The following KCMF1 variants were observed in gnomAD, a reference collection of about 807,000 sequenced individuals.
KCMF1 encodes the protein E3 ubiquitin-protein ligase KCMF1.
KCMF1 carries 3 observed loss-of-function variants against 41.1 expected under a neutral mutation model. The ratio of observed to expected loss-of-function variants is 0.07; its 90% CI spans 0.03 to 0.19. The LOEUF (loss-of-function observed/expected upper bound fraction) is 0.19. KCMF1 is among the 10% of genes least tolerant of loss of function. KCMF1 has a pLI of 1.00. For synonymous variants in KCMF1, 142 were observed against 164.5 expected (o/e 0.86, Z 1.04); for missense variants, 286 against 488.9 (o/e 0.58, Z 3.91).
chr2:85,000,027 TA>T (rs55703502), intron 1 of KCMF1, among the ~76,000 whole-genome samples: 19,205 of 147,638 alleles, frequency 0.13, 1,716 homozygotes, highest in East Asian at 0.35. Flanking sequence ...CAGGGGACAT[TA>T]AAAAAAAAAG....
intron 2 of KCMF1, among the ~76,000 whole-genome samples, chr2:85,033,909 G>A (rs1021761901): frequency 5.3e-5 from 8 of 151,960 alleles, no homozygotes; most frequent in African/African-American, 1.5e-4. Flanking sequence ...CAGGCCAGGC[G>A]TGGTGGCTCA....
intron 2 of KCMF1, among the ~76,000 whole-genome samples, chr2:85,029,645 T>C (rs1225822333): frequency 6.6e-6 from 1 of 151,388 alleles, no homozygotes. Flanking sequence ...TAGAAGACAT[T>C]GTAAGAAAAT....
At chr2:85,047,064 T>C (rs923810043) in intron 5 of KCMF1, among the ~76,000 whole-genome samples, 2 of 152,186 alleles carry the variant, frequency 1.3e-5, no homozygotes, top group African/African-American at 4.8e-5. Context: ...TAGGGTTCTG[T>C]ATTATCCAAA....
rs144821729 is a variant in KCMF1 at position 85,011,101 on chromosome 2, A to G, written c.17-16788A>G. Among the ~76,000 whole-genome samples the G allele has an allele frequency of 5.1e-3, 772 of 152,200 alleles. 5 individuals carry two copies. The highest frequency in any genetic ancestry group is 0.018 in the African/African-American group (727 of 41,502). On this transcript the variant is annotated intron_variant, in intron 1 of 6. Transcript: ENST00000409785. Reference sequence around the variant, plus strand: ...TTGTGATGTGCCTGCCTCACTTCCCAAAGTGCTTGGATTACAGACGTGAGC... The same window carrying G: ...TTGTGATGTGCCTGCCTCACTTCCCGAAGTGCTTGGATTACAGACGTGAGC...
chr2:85,019,750 A>G (rs1015322674), intron 1 of KCMF1, among the ~76,000 whole-genome samples: 12 of 151,014 alleles, frequency 7.9e-5, no homozygotes, highest in Non-Finnish European at 1.3e-4. Context: ...ATATATGTAT[A>G]TATGTGTGTG....
At position 85,008,515 on chromosome 2, in the gene KCMF1, A is replaced by G. The variant is rs542061081; in HGVS notation, c.17-19374A>G. On this transcript the variant is annotated intron_variant, in intron 1 of 6. Coordinates refer to ENST00000409785, the MANE Select transcript of KCMF1 (RefSeq NM_020122.5). ...ATATATTTAGCAGCATTTCAGCACT[A>G]CACTTGGGAGCCATTTAAATAGCGA... Among the ~76,000 whole-genome samples the G allele has an allele frequency of 2.5e-3, 366 of 149,080 alleles. 25 individuals carry two copies. The South Asian group carries it at 0.074, about 30-fold the overall frequency.
At chr2:85,006,317 T>G (rs1275465631) in intron 1 of KCMF1, among the ~76,000 whole-genome samples, 2 of 146,138 alleles carry the variant, frequency 1.4e-5, no homozygotes, top group Admixed American at 6.8e-5. Flanking sequence ...TTTTTTTTTT[T>G]TGAGATGGAG....
At chr2:85,045,119 G>C (rs1675633227) in intron 4 of KCMF1, among the ~76,000 whole-genome samples, 1 of 151,954 alleles carries the variant, frequency 6.6e-6, no homozygotes, top group African/African-American at 2.4e-5. Context: ...ACACACCTGT[G>C]GTCCCAGCTA....
Position 85,057,665 on chromosome 2 carries a change from T to C in KCMF1, c.*4256T>C, listed in dbSNP as rs1675966908. The C allele has an allele frequency of 6.6e-6, 1 of 152,244 alleles. No homozygotes were observed. The highest frequency in any genetic ancestry group is 1.5e-5 in the Non-Finnish European group (1 of 68,046). 9.4% of individuals were successfully genotyped at this position (152,244 alleles called of 1,614,324 possible). On this transcript the variant is annotated 3_prime_UTR_variant, in exon 7 of 7. Transcript: ENST00000409785. ...CAACGTTTGTTTCTAATTCGTACTC[T>C]TGCCTCTTGGTTTCTGTAGTTTTTC...
intron 2 of KCMF1, among the ~76,000 whole-genome samples, chr2:85,033,938 T>C (rs1462052114): frequency 6.6e-6 from 1 of 151,978 alleles, no homozygotes; most frequent in Non-Finnish European, 1.5e-5. Context: ...GTCCCAGCAC[T>C]TTGGGAGGCT....
chr2:85,006,123 A>G (rs992217937), intron 1 of KCMF1, among the ~76,000 whole-genome samples: 5 of 151,132 alleles, frequency 3.3e-5, no homozygotes, highest in African/African-American at 1.2e-4. Flanking sequence ...TTTGTTACCG[A>G]TATTTCTCCC....
At chr2:85,045,189 A>G (rs1021103691) in intron 4 of KCMF1, among the ~76,000 whole-genome samples, 6 of 152,164 alleles carry the variant, frequency 3.9e-5, no homozygotes, top group Non-Finnish European at 7.3e-5. Flanking sequence ...GCAGTAAGCT[A>G]TGATTGCACC....
chr2:85,049,989 T>C (rs1352687790), intron 6 of KCMF1, among the ~76,000 whole-genome samples: 1 of 152,032 alleles, frequency 6.6e-6, no homozygotes, highest in African/African-American at 2.4e-5. Context: ...TGAAATCTTA[T>C]CTCTACAAAA....
chr2:85,018,970 C>T lies in KCMF1; in HGVS notation c.17-8919C>T, dbSNP rs546457886. Among the ~76,000 whole-genome samples, 4 of 152,074 alleles carry T rather than the reference C, an allele frequency of 2.6e-5. No individual in the cohort carries two copies. In the South Asian group the frequency reaches 8.3e-4, roughly 32 times the overall value. On this transcript the variant is annotated intron_variant, in intron 1 of 6. Coordinates refer to ENST00000409785, the MANE Select transcript of KCMF1 (RefSeq NM_020122.5). ...CAGGCTGGTCTTGAACTCCTGACCACAGGTGATCCGCCCACCTCGGCCTCC... is the reference window on the plus strand; with the variant it reads ...CAGGCTGGTCTTGAACTCCTGACCATAGGTGATCCGCCCACCTCGGCCTCC...
chr2:85,024,263 C>T (rs372864406), intron 1 of KCMF1, among the ~76,000 whole-genome samples: 2 of 152,086 alleles, frequency 1.3e-5, no homozygotes, highest in African/African-American at 4.8e-5. Context: ...GCAGATCACC[C>T]GGAGTTCGAG....
At chr2:85,031,040 T>C (rs1675253963) in intron 2 of KCMF1, among the ~76,000 whole-genome samples, 1 of 152,242 alleles carries the variant, frequency 6.6e-6, no homozygotes, top group Non-Finnish European at 1.5e-5. Context: ...TCTTGATTTC[T>C]GTAGCTTCAT....
chr2:84,987,487 A>G (rs1673932290), intron 1 of KCMF1, among the ~76,000 whole-genome samples: 1 of 152,250 alleles, frequency 6.6e-6, no homozygotes, highest in Non-Finnish European at 1.5e-5. Flanking sequence ...GGAATAAAGT[A>G]TAAATTGCAG....
At chr2:85,021,361 C>T (rs542876624) in intron 1 of KCMF1, among the ~76,000 whole-genome samples, 12 of 152,300 alleles carry the variant, frequency 7.9e-5, no homozygotes, top group South Asian at 2.1e-4. Flanking sequence ...CGGTGGCTCA[C>T]GCGTGTAATC....
At chr2:84,971,592 C>G in intron 1 of KCMF1, 125 bp downstream of exon 1, 1 of 372,032 alleles carries the variant, frequency 2.7e-6, no homozygotes, top group Middle Eastern at 1.1e-3. Flanking sequence ...GGGCCCGAGG[C>G]GCTGGACCCG....
Sources: gnomAD v4.1 joint callset for allele counts (sites outside exome capture counted in the v4.1 genomes callset) on GRCh38, gnomAD v4.1.1 for gene constraint, MANE v1.5 for transcripts, NCBI Gene and HGNC (gene_info 2026-07-23, HGNC 2026-07-21) for gene names.